Variants in MAGI1 observed in about 807,000 individuals in gnomAD.
MAGI1 encodes the protein membrane associated guanylate kinase, WW and PDZ domain containing 1.
Under a neutral mutation model 139.9 loss-of-function variants are expected in MAGI1, and 58 were observed. That is an observed-to-expected ratio of 0.41 (90% CI 0.34 to 0.52). The LOEUF (loss-of-function observed/expected upper bound fraction) is 0.52. Ranked by LOEUF, MAGI1 falls within the 20% of genes least tolerant of loss-of-function variation. The probability of loss-of-function intolerance (pLI) is 0.12; values close to 1 mark genes in which losing one functional copy is unlikely to be tolerated. For synonymous variants in MAGI1, 812 were observed against 737.9 expected, an observed-to-expected ratio of 1.10 and a Z score of -1.63; for missense variants, 1,874 against 1,901.6, an observed-to-expected ratio of 0.99 and a Z score of 0.27.
At chr3:65,683,816 T>C (rs992293774) in intron 1 of MAGI1, among the ~76,000 whole-genome samples, 1 of 151,840 alleles carries the variant, frequency 6.6e-6, no homozygotes, top group African/African-American at 2.4e-5. Context: ...GGCAAGGATG[T>C]GAAAAATCTG....
chr3:65,507,166 G>A (rs2107728002), intron 2 of MAGI1, among the ~76,000 whole-genome samples: 1 of 152,304 alleles, frequency 6.6e-6, no homozygotes, highest in East Asian at 1.9e-4. Context: ...GGTCTTCATA[G>A]TATTGAAGAA....
chr3:65,984,775 T>C (rs1207731190), intron 1 of MAGI1, among the ~76,000 whole-genome samples: 3 of 149,000 alleles, frequency 2.0e-5, no homozygotes, highest in Non-Finnish European at 4.4e-5. Context: ...CTTGAACTTC[T>C]GGGCCCAAGT....
At chr3:65,359,931 T>G (rs1347243054) in intron 22 of MAGI1, 1 of 985,244 alleles carries the variant, frequency 1.0e-6, no homozygotes, top group Non-Finnish European at 1.2e-6. Flanking sequence ...ACAGTTTCAG[T>G]GGTATCAATA....
At chr3:65,754,847 CTA>C (rs2036434662) in intron 1 of MAGI1, among the ~76,000 whole-genome samples, 1 of 152,160 alleles carries the variant, frequency 6.6e-6, no homozygotes, top group African/African-American at 2.4e-5. Flanking sequence ...AGCTAGTTTT[CTA>C]TGTTTAAAAG....
intron 1 of MAGI1, among the ~76,000 whole-genome samples, chr3:65,860,754 C>T (rs966388946): frequency 2.0e-4 from 31 of 152,326 alleles, no homozygotes; most frequent in African/African-American, 7.5e-4. Context: ...ATTCCCTCTT[C>T]CATTTCCCCA....
At chr3:65,510,363 G>T (rs539186444) in intron 2 of MAGI1, among the ~76,000 whole-genome samples, 5 of 151,836 alleles carry the variant, frequency 3.3e-5, no homozygotes, top group African/African-American at 9.7e-5. Flanking sequence ...TCTGAGCTAC[G>T]GGGGGACATT....
chr3:65,556,713 G>A (rs10446430), intron 2 of MAGI1, among the ~76,000 whole-genome samples: 105,350 of 152,094 alleles, frequency 0.69, 36,892 homozygotes, highest in East Asian at 0.94. Flanking sequence ...TATAATCCAC[G>A]CTGTTACAGA....
In MAGI1 at chr3:65,714,565, T is replaced by C. The variant is rs548363792; in HGVS notation, c.314-92477A>G. On this transcript the variant is annotated intron_variant, in intron 1 of 22. Transcript: ENST00000402939. ...TGTGAGCAATAACAGCCTTTATCTC[T>C]GACCCAAGAGTCTCATGTTGGTTGC... 5.9e-5 allele frequency among the ~76,000 whole-genome samples: 9 copies of C among 152,238 alleles called. No homozygotes were observed. The South Asian group carries it at 1.9e-3, about 32-fold the overall frequency.
chr3:65,993,250 T>C (rs1004632831), intron 1 of MAGI1, among the ~76,000 whole-genome samples: 2 of 152,212 alleles, frequency 1.3e-5, no homozygotes, highest in Non-Finnish European at 2.9e-5. Context: ...TTCTTTTTTT[T>C]GCTTTACATG....
chr3:65,985,584 T>C (rs530934015), intron 1 of MAGI1, among the ~76,000 whole-genome samples: 34 of 152,346 alleles, frequency 2.2e-4, no homozygotes, highest in African/African-American at 7.2e-4. Flanking sequence ...ATAGACTTTC[T>C]TAAGTGGAAA....
At chr3:65,673,003 G>A (rs905532149) in intron 1 of MAGI1, among the ~76,000 whole-genome samples, 3 of 152,022 alleles carry the variant, frequency 2.0e-5, no homozygotes, top group Admixed American at 1.3e-4. Context: ...GTTCTGCGAA[G>A]GTGAGTATTA....
chr3:65,363,116 G>A (rs1941054448), intron 21 of MAGI1, among the ~76,000 whole-genome samples: 1 of 152,012 alleles, frequency 6.6e-6, no homozygotes, highest in Non-Finnish European at 1.5e-5. Flanking sequence ...AGCATCCCAG[G>A]GTACCCCAGA....
At chr3:65,819,101 A>G (rs2041786736) in intron 1 of MAGI1, among the ~76,000 whole-genome samples, 1 of 152,116 alleles carries the variant, frequency 6.6e-6, no homozygotes, top group African/African-American at 2.4e-5. Flanking sequence ...CTTGGCCTAC[A>G]TGGTGAAACC....
rs1307255619 is a variant in MAGI1 at position 65,684,182 on chromosome 3, A to AAAAAG, written c.314-62099_314-62095dup. ...GAGACTGTCTCAAAAAAAAAAAAAA[A>AAAAAG]AAAAGAAAAGAAAAGAAAAACTAAA... On this transcript the variant is annotated intron_variant, in intron 1 of 22. Transcript: ENST00000402939. 2.0e-5 allele frequency among the ~76,000 whole-genome samples: 3 copies of AAAAAG among 149,992 alleles called. No individual in the cohort carries two copies. The East Asian group carries it at 5.8e-4, about 29-fold the overall frequency.
chr3:65,398,375 C>T (rs1272352256), intron 13 of MAGI1, among the ~76,000 whole-genome samples: 4 of 152,120 alleles, frequency 2.6e-5, no homozygotes, highest in Non-Finnish European at 5.9e-5. Flanking sequence ...GTGGTGCATA[C>T]CTACAGTCCC....
intron 2 of MAGI1, among the ~76,000 whole-genome samples, chr3:65,566,598 CCAAGTCCGTGTTACTGGGTTTT>C (rs2080662597): frequency 1.3e-5 from 2 of 152,040 alleles, no homozygotes; most frequent in East Asian, 3.9e-4. Flanking sequence ...GTCAGTTTTC[CCAAGTCCGTGTTACTGGGTTTT>C]TGTTTGTTTG....
chr3:65,950,067 C>CAAAAAAAAACAAAAAAAAAAAAAAAAAAA (rs2063733550), intron 1 of MAGI1, among the ~76,000 whole-genome samples: 12 of 76,734 alleles, frequency 1.6e-4, no homozygotes, highest in Admixed American at 3.8e-4. Context: ...AACAAAAAAA[C>CAAAAAAAAACAAAAAAAAAAAAAAAAAAA]AAAAAAAAAA....
chr3:66,026,660 A>G (rs945829945), intron 1 of MAGI1, among the ~76,000 whole-genome samples: 24 of 151,992 alleles, frequency 1.6e-4, no homozygotes, highest in Admixed American at 6.6e-4. Context: ...AATGAAGTGC[A>G]TGGAGGATAG....
At chr3:65,697,272 C>T (rs2089289004) in intron 1 of MAGI1, among the ~76,000 whole-genome samples, 1 of 151,710 alleles carries the variant, frequency 6.6e-6, no homozygotes, top group Non-Finnish European at 1.5e-5. Flanking sequence ...CAGATGGATT[C>T]ACAGCTGAAT....
Sources: gnomAD v4.1 joint callset for allele counts (sites outside exome capture counted in the v4.1 genomes callset) on GRCh38, gnomAD v4.1.1 for gene constraint, MANE v1.5 for transcripts, NCBI Gene and HGNC (gene_info 2026-07-23, HGNC 2026-07-21) for gene names.